Variants in MMRN1 observed in about 807,000 individuals in gnomAD.
The protein encoded by MMRN1 is multimerin 1.
Under a neutral mutation model 100.7 loss-of-function variants are expected in MMRN1, and 94 were observed. That is an observed-to-expected ratio of 0.93 (90% confidence interval 0.79 to 1.11). The LOEUF is 1.11. Among genes scored for constraint, MMRN1 ranks in the 50% least tolerant of loss-of-function variants. MMRN1 has a pLI of 0.00. For missense variants in MMRN1, 1,606 were observed against 1,439.1 expected (o/e 1.12, Z -1.88); for synonymous variants, 575 against 505.0 (o/e 1.14, Z -1.86).
At chr4:89,931,421 A>G (rs1325601404) in intron 5 of MMRN1, among the ~76,000 whole-genome samples, 1 of 152,152 alleles carries the variant, frequency 6.6e-6, no homozygotes, top group Non-Finnish European at 1.5e-5. Flanking sequence ...AATAGACTAC[A>G]TAGTAGCTAT....
chr4:89,905,893 A>C (rs1376953089), intron 1 of MMRN1, among the ~76,000 whole-genome samples: 2 of 151,558 alleles, frequency 1.3e-5, no homozygotes, highest in Admixed American at 1.3e-4. Flanking sequence ...ACAGTTTATT[A>C]ATATGAAAGT....
chr4:89,925,831 T>C (rs1480057078), intron 4 of MMRN1, among the ~76,000 whole-genome samples: 1 of 152,142 alleles, frequency 6.6e-6, no homozygotes, highest in African/African-American at 2.4e-5. Flanking sequence ...TTGTACTCTC[T>C]ATCTCCTTGA....
At chr4:89,924,946 T>A (rs1201327499) in intron 4 of MMRN1, among the ~76,000 whole-genome samples, 2 of 152,178 alleles carry the variant, frequency 1.3e-5, no homozygotes, top group Non-Finnish European at 2.9e-5. Flanking sequence ...AGGTACACAA[T>A]GTGTAATAAT....
rs1332644223 is a variant in MMRN1 at position 89,936,001 on chromosome 4, C to A, written c.2321C>A (p.Thr774Lys). The change falls in exon 6 of 8, where the codon ACA (threonine) becomes AAA (lysine). Residue 774 changes from threonine (T) to lysine (K), a missense_variant. Transcript: ENST00000264790. ...KCTSDMETIL[T>K]FIPQFHRLND... ...ACCTCCGATATGGAAACTATTTTGA[C>A]ATTTATTCCTCAGTTCCACCGTCTG... is the stretch of plus-strand genomic sequence containing the variant. The A allele has an allele frequency of 2.5e-6, 4 of 1,613,116 alleles. No individual in the cohort carries two copies. The highest frequency in any genetic ancestry group is 2.5e-6 in the Non-Finnish European group (3 of 1,179,476).
upstream of MMRN1, chr4:89,879,517 T>G (rs982046949): frequency 1.3e-5 from 2 of 152,164 alleles, no homozygotes; most frequent in African/African-American, 4.8e-5. Flanking sequence ...AAGTGAATAT[T>G]TGGAGACAGC....
At chr4:89,909,816 A>C (rs1721690702) in intron 2 of MMRN1, among the ~76,000 whole-genome samples, 1 of 151,436 alleles carries the variant, frequency 6.6e-6, no homozygotes, top group Non-Finnish European at 1.5e-5. Flanking sequence ...TCATATTCTA[A>C]AATTAGGAGA....
chr4:89,929,222 A>G (rs1722360811), intron 5 of MMRN1, among the ~76,000 whole-genome samples: 1 of 152,106 alleles, frequency 6.6e-6, no homozygotes, highest in Admixed American at 6.6e-5. Flanking sequence ...TGCTTTATTC[A>G]TTAAAAAACT....
intron 6 of MMRN1, among the ~76,000 whole-genome samples, chr4:89,938,543 A>T (rs1722727687): frequency 6.9e-6 from 1 of 145,964 alleles, no homozygotes; most frequent in Non-Finnish European, 1.5e-5. Flanking sequence ...TTTCATAGTA[A>T]GTATAAAATT....
intron 5 of MMRN1, among the ~76,000 whole-genome samples, chr4:89,929,918 T>A (rs1239979888): frequency 2.6e-5 from 4 of 152,016 alleles, no homozygotes; most frequent in African/African-American, 9.7e-5. Flanking sequence ...CTGTTGAAAA[T>A]CAAATGTCTC....
Position 89,935,757 on chromosome 4 carries a change from A to G in MMRN1, c.2077A>G (p.Lys693Glu). The change falls in exon 6 of 8, where the codon AAA becomes GAA. Residue 693 changes from lysine to glutamate, a missense_variant. Coordinates refer to ENST00000264790, the MANE Select transcript of MMRN1 (RefSeq NM_007351.3). The stretch of plus-strand genomic sequence containing the variant: ...TGTCAATAGTCTAAATTTTATTATC[A>G]AAGAACTTACAAAAAGACACAACTT... ...SAVNSLNFII[K>E]ELTKRHNLLR... 1 of 1,612,214 alleles carries G rather than the reference A, an allele frequency of 6.2e-7. No individual in the cohort carries two copies. Among genetic ancestry groups the G allele is most frequent in the Non-Finnish European group, 8.5e-7 (1 of 1,179,414 alleles).
chr4:89,927,690 C>G, intron 4 of MMRN1, 105 bp from the exon 5 acceptor site: 1 of 987,060 alleles, frequency 1.0e-6, no homozygotes. Flanking sequence ...TTGTTGTGCT[C>G]CAGCTTACAG....
chr4:89,907,546 T>C lies in MMRN1; in HGVS notation c.624-1730T>C, dbSNP rs139724301. ...TTTTTTAAAAAACAATTTTAGGAAATTTTCCCTTTTTTTCTTCTCATGTTT... is the reference window on the plus strand; with the variant it reads ...TTTTTTAAAAAACAATTTTAGGAAACTTTCCCTTTTTTTCTTCTCATGTTT... On this transcript the variant is annotated intron_variant, in intron 1 of 7. Coordinates refer to ENST00000264790, the MANE Select transcript of MMRN1 (RefSeq NM_007351.3). Among the ~76,000 whole-genome samples the C allele has an allele frequency of 3.2e-3, 492 of 151,520 alleles. 5 individuals carry two copies. Among genetic ancestry groups the C allele is most frequent in the African/African-American group, 0.011 (472 of 41,454 alleles).
chr4:89,892,141 G>T (rs1178857618), upstream of MMRN1, among the ~76,000 whole-genome samples: 1 of 151,272 alleles, frequency 6.6e-6, no homozygotes, highest in Non-Finnish European at 1.5e-5. Context: ...AGTATATAGT[G>T]AATCCTATGT....
chr4:89,916,368 AAAAAAAAAC>A (rs1418250823), intron 3 of MMRN1, among the ~76,000 whole-genome samples: 4 of 147,020 alleles, frequency 2.7e-5, no homozygotes, highest in African/African-American at 1.0e-4. Context: ...GATTCTGAAA[AAAAAAAAAC>A]AAACAAACAA....
At position 89,934,884 on chromosome 4, in the gene MMRN1, A is replaced by G. The variant is rs779664987; in HGVS notation, c.1204A>G (p.Met402Val). 5.6e-6 allele frequency: 9 copies of G among 1,598,242 alleles called. No homozygotes were observed. In the South Asian group the frequency reaches 8.0e-5, roughly 14 times the overall value. The change falls in exon 6 of 8, where the codon ATG (methionine) becomes GTG (valine). Residue 402 changes from methionine (M) to valine (V), a missense_variant. Physicochemically the swap from Met to Val is conservative, Grantham distance 21. Coordinates refer to ENST00000264790, the MANE Select transcript of MMRN1 (RefSeq NM_007351.3). ...ACAATTTAAAATTTTTCAAAATGAC[A>G]TGCAAGAGACTGTAGCACAGCTCTT... ...REQFKIFQND[M>V]QETVAQLFKT...
intron 3 of MMRN1, among the ~76,000 whole-genome samples, chr4:89,922,145 C>A (rs958765959): frequency 2.6e-5 from 4 of 151,720 alleles, no homozygotes; most frequent in African/African-American, 9.7e-5. Flanking sequence ...CTGCTCTATC[C>A]CCCAGCTGGA....
intron 7 of MMRN1, among the ~76,000 whole-genome samples, 154 bp downstream of exon 7, chr4:89,951,905 G>T (rs1027098754): frequency 2.0e-5 from 3 of 152,102 alleles, no homozygotes; most frequent in African/African-American, 7.2e-5. Context: ...GAATGTACCT[G>T]ATTTACAAGT....
At chr4:89,915,463 A>G (rs948824269) in intron 3 of MMRN1, among the ~76,000 whole-genome samples, 2 of 151,604 alleles carry the variant, frequency 1.3e-5, no homozygotes, top group Non-Finnish European at 3.0e-5. Flanking sequence ...TCCTCAAGCC[A>G]CACAGGAAGG....
chr4:89,938,117 T>G (rs1722704459), intron 6 of MMRN1, among the ~76,000 whole-genome samples: 1 of 151,958 alleles, frequency 6.6e-6, no homozygotes. Context: ...TAATATGACT[T>G]CATATTTAAT....
Sources: allele counts gnomAD v4.1 joint callset (sites outside exome capture counted in the v4.1 genomes callset), GRCh38; gene constraint gnomAD v4.1.1; transcripts MANE v1.5; gene names NCBI Gene and HGNC (gene_info 2026-07-23, HGNC 2026-07-21).